RPS6KA5: variants seen among roughly 807,000 people sequenced by gnomAD.
RPS6KA5 encodes the protein ribosomal protein S6 kinase A5, also known as ribosomal protein S6 kinase alpha-5.
Under a neutral mutation model 85.5 loss-of-function variants are expected in RPS6KA5, and 27 were observed. The ratio of observed to expected loss-of-function variants is 0.32; its 90% confidence interval spans 0.23 to 0.44. The LOEUF (loss-of-function observed/expected upper bound fraction) is 0.44, where lower values mean the gene tolerates loss of function less well. Ranked by LOEUF, RPS6KA5 falls within the 20% of genes least tolerant of loss-of-function variation. RPS6KA5 has a pLI of 1.00. For missense variants in RPS6KA5, 811 were observed against 980.9 expected (o/e 0.83, Z 2.31); for synonymous variants, 334 against 348.2 (o/e 0.96, Z 0.46).
chr14:90,915,251 A>G (rs1595202913), intron 7 of RPS6KA5, among the ~76,000 whole-genome samples: 1 of 152,240 alleles, frequency 6.6e-6, no homozygotes, highest in Admixed American at 6.5e-5. Flanking sequence ...GATGGCCCCA[A>G]TGATCACTGT....
At chr14:91,025,806 T>C (rs866990806) in intron 1 of RPS6KA5, among the ~76,000 whole-genome samples, 1 of 118,742 alleles carries the variant, frequency 8.4e-6, no homozygotes, top group African/African-American at 3.3e-5. Flanking sequence ...ATGTCCTTTT[T>C]CTCTTAAAAA....
intron 3 of RPS6KA5, among the ~76,000 whole-genome samples, chr14:90,964,538 G>A (rs1387470566): frequency 2.0e-5 from 3 of 152,126 alleles, no homozygotes; most frequent in South Asian, 4.1e-4. Context: ...TCTCATTCTA[G>A]TAATAGTGCC....
intron 1 of RPS6KA5, among the ~76,000 whole-genome samples, chr14:91,029,219 T>C (rs1256655863): frequency 6.6e-6 from 1 of 152,216 alleles, no homozygotes; most frequent in African/African-American, 2.4e-5. Context: ...ATAAATTCAA[T>C]GTTACTTTCC....
chr14:90,874,548 A>C (rs2033325825), intron 15 of RPS6KA5, among the ~76,000 whole-genome samples: 1 of 152,214 alleles, frequency 6.6e-6, no homozygotes, highest in African/African-American at 2.4e-5. Context: ...TGCTAGGCTA[A>C]GGAGTCTGAC....
At chr14:90,999,312 A>G (rs1659371434) in intron 2 of RPS6KA5, among the ~76,000 whole-genome samples, 1 of 152,194 alleles carries the variant, frequency 6.6e-6, no homozygotes, top group South Asian at 2.1e-4. Flanking sequence ...CTTTCTTGCT[A>G]TAATGTTTGG....
At chr14:91,012,226 T>C (rs1196667902) in intron 1 of RPS6KA5, among the ~76,000 whole-genome samples, 5 of 152,222 alleles carry the variant, frequency 3.3e-5, no homozygotes, top group Non-Finnish European at 7.3e-5. Context: ...TATTCCTCAA[T>C]AAACAGTTTC....
chr14:91,027,699 T>C (rs1487885131), intron 1 of RPS6KA5, among the ~76,000 whole-genome samples: 1 of 152,202 alleles, frequency 6.6e-6, no homozygotes, highest in Non-Finnish European at 1.5e-5. Flanking sequence ...CATGTCTTCT[T>C]CACTACAGAA....
chr14:90,877,877 CAA>C (rs2033580158), intron 14 of RPS6KA5, among the ~76,000 whole-genome samples: 1 of 152,196 alleles, frequency 6.6e-6, no homozygotes, highest in Non-Finnish European at 1.5e-5. Context: ...GTAAAAGTAA[CAA>C]GTGATATTAT....
intron 2 of RPS6KA5, among the ~76,000 whole-genome samples, chr14:90,995,109 C>T (rs2040464615): frequency 6.6e-6 from 1 of 151,960 alleles, no homozygotes; most frequent in Non-Finnish European, 1.5e-5. Context: ...ACTGCAACCT[C>T]CACCTCCCAG....
chr14:90,943,084 A>G lies in RPS6KA5; in HGVS notation c.612T>C (p.Ala204=). ...TDFGLSKEFV[A]DETERAYSFC... is the part of the protein sequence containing the mutation. Reference sequence around the variant, plus strand: ...CAAATTAAAATATACTCACTTCATCAGCCACAAACTCCTTACTCAGACCAA... The same window carrying G: ...CAAATTAAAATATACTCACTTCATCGGCCACAAACTCCTTACTCAGACCAA... The change falls in exon 5 of 17, where the codon GCT becomes GCC. Residue 204 remains alanine (A), a synonymous_variant. Transcript: ENST00000614987. The G allele has an allele frequency of 1.3e-6, 2 of 1,570,094 alleles. No individual in the cohort carries two copies. Among genetic ancestry groups the G allele is most frequent in the Non-Finnish European group, 1.8e-6 (2 of 1,140,600 alleles).
intron 3 of RPS6KA5, among the ~76,000 whole-genome samples, chr14:90,961,050 G>A (rs947478665): frequency 3.3e-5 from 5 of 152,102 alleles, no homozygotes; most frequent in African/African-American, 4.8e-5. Context: ...ACAAGAATCC[G>A]GATGTAAAAC....
chr14:90,879,705 T>C (rs2033704916), intron 14 of RPS6KA5, among the ~76,000 whole-genome samples: 2 of 151,970 alleles, frequency 1.3e-5, no homozygotes, highest in Admixed American at 6.6e-5. Flanking sequence ...TTTAATAACA[T>C]AATATGACAC....
intron 1 of RPS6KA5, among the ~76,000 whole-genome samples, chr14:91,035,589 G>A (rs2042361891): frequency 6.6e-6 from 1 of 151,874 alleles, no homozygotes; most frequent in East Asian, 1.9e-4. Flanking sequence ...TGGAAACACT[G>A]CAGTAAAGGG....
Position 90,920,224 on chromosome 14 carries a change from G to T in RPS6KA5, c.788C>A (p.Ser263Tyr). 1 of 1,607,620 alleles carries T rather than the reference G, an allele frequency of 6.2e-7. No individual in the cohort carries two copies. The highest frequency in any genetic ancestry group is 8.5e-7 in the Non-Finnish European group (1 of 1,174,638). ...ATCTTACCTAGATATCTCAGCTTGG[G>T]AATTTTTTTCTCCATCAACAGTGAA... ...SPFTVDGEKNSQAEISRRILK... is the reference protein window; with the variant it reads ...SPFTVDGEKNYQAEISRRILK... Residue 263 changes from serine (S) to tyrosine (Y), a missense_variant, in exon 7 of 17, where the codon TCC becomes TAC. This residue lies in a region of RPS6KA5 where 650 missense variants were observed against 793.4 expected (regional missense o/e 0.82). Transcript: ENST00000614987.
At chr14:91,001,050 T>A in intron 2 of RPS6KA5, 38 bp downstream of exon 2, 1 of 944,028 alleles carries the variant, frequency 1.1e-6, no homozygotes, top group Non-Finnish European at 1.5e-6. Flanking sequence ...TAATAAGTAC[T>A]TTTTTTTTTC....
At chr14:90,887,142 T>C (rs894003847) in intron 14 of RPS6KA5, among the ~76,000 whole-genome samples, 2 of 152,200 alleles carry the variant, frequency 1.3e-5, no homozygotes, top group African/African-American at 4.8e-5. Context: ...ATTATTTTTG[T>C]TCATTTTCAT....
Position 90,871,992 on chromosome 14 carries a change from T to A in RPS6KA5, c.*82A>T, listed in dbSNP as rs2033140132. The A allele has an allele frequency of 1.3e-6, 2 of 1,506,326 alleles. No homozygotes were observed. Among genetic ancestry groups the A allele is most frequent in the Admixed American group, 2.3e-5 (1 of 44,194 alleles). 93.3% of individuals were successfully genotyped at this position (1,506,326 alleles called of 1,614,324 possible). On this transcript the variant is annotated 3_prime_UTR_variant, in exon 17 of 17. Transcript: ENST00000614987. ...ATTCCAATGAGACCAACGGGAAACA[T>A]TTTTAAAAGCATAAAAGATCGCCTC...
chr14:90,857,879 T>A lies in RPS6KA5; in HGVS notation c.*14195A>T, dbSNP rs1258489777. 6.6e-6 allele frequency: 1 copy of A among 152,102 alleles called. No individual in the cohort carries two copies. Among genetic ancestry groups the A allele is most frequent in the African/African-American group, 2.4e-5 (1 of 41,414 alleles). 9.4% of individuals were successfully genotyped at this position (152,102 alleles called of 1,614,324 possible). On this transcript the variant is annotated 3_prime_UTR_variant, in exon 17 of 17. Coordinates refer to ENST00000614987, the MANE Select transcript of RPS6KA5 (RefSeq NM_004755.4). Reference sequence around the variant, plus strand: ...ATTGTTATATTGCTTGTGTCTAGAGTAATACCTGGCCTGAAAGAAGTGCTC... The same window carrying A: ...ATTGTTATATTGCTTGTGTCTAGAGAAATACCTGGCCTGAAAGAAGTGCTC...
At chr14:90,878,239 G>GT (rs1033960269) in intron 14 of RPS6KA5, among the ~76,000 whole-genome samples, 22 of 152,154 alleles carry the variant, frequency 1.4e-4, no homozygotes, top group African/African-American at 4.6e-4. Flanking sequence ...TCCTGAATGA[G>GT]TAAGAACCCT....
Sources: allele counts gnomAD v4.1 joint callset (sites outside exome capture counted in the v4.1 genomes callset), GRCh38; gene constraint gnomAD v4.1.1; regional missense constraint gnomAD v4.1.1; transcripts MANE v1.5; gene names NCBI Gene and HGNC (gene_info 2026-07-23, HGNC 2026-07-21).